AKAP1: variants seen among roughly 807,000 people sequenced by gnomAD.
AKAP1 encodes the protein A-kinase anchor protein 1, mitochondrial.
Under a neutral mutation model 79.8 loss-of-function variants are expected in AKAP1, and 32 were observed. That is an observed-to-expected ratio of 0.40 (90% CI 0.30 to 0.54). The LOEUF is 0.54. AKAP1 is among the 20% of genes least tolerant of loss of function. AKAP1 has a pLI of 0.47. For missense variants in AKAP1, 961 were observed against 1,138.9 expected (o/e 0.84, Z 2.25); for synonymous variants, 416 against 466.7 (o/e 0.89, Z 1.40).
At chr17:57,094,513 C>A (rs1041677535) in intron 1 of AKAP1, 4 of 152,044 alleles carry the variant, frequency 2.6e-5, no homozygotes, top group Admixed American at 6.6e-5. Flanking sequence ...CCAGGCCAGG[C>A]CAGCAGAAGG....
At chr17:57,103,466 G>A (rs981515762) in intron 1 of AKAP1, among the ~76,000 whole-genome samples, 2 of 152,182 alleles carry the variant, frequency 1.3e-5, no homozygotes, top group Admixed American at 6.5e-5. Flanking sequence ...TACATGGATC[G>A]CACTTTCAGA....
chr17:57,116,363 T>G, intron 7 of AKAP1, 102 bp downstream of exon 7: 2 of 1,444,092 alleles, frequency 1.4e-6, no homozygotes, highest in Non-Finnish European at 1.9e-6. Flanking sequence ...TGAGGGTTAC[T>G]TCTTCCCTCC....
At chr17:57,088,060 C>G (rs967475296) in intron 1 of AKAP1, among the ~76,000 whole-genome samples, 2 of 152,246 alleles carry the variant, frequency 1.3e-5, no homozygotes, top group Admixed American at 1.3e-4. Context: ...GGTAGTAGAT[C>G]CTGTGGGCAT....
At chr17:57,119,830 C>CTTTTTGT (rs1915810175) in intron 10 of AKAP1, among the ~76,000 whole-genome samples, 1 of 70,290 alleles carries the variant, frequency 1.4e-5, no homozygotes. Flanking sequence ...CCCTGTTACT[C>CTTTTTGT]TTTTTTTTTT....
rs761651028 is a variant in AKAP1, at chr17:57,106,582, G to A, written c.1118G>A (p.Gly373Asp). 3 of 1,614,206 alleles carry A rather than the reference G, an allele frequency of 1.9e-6. No individual in the cohort carries two copies. The highest frequency in any genetic ancestry group is 2.5e-6 in the Non-Finnish European group (3 of 1,180,038). The change falls in exon 2 of 11, where the codon GGT becomes GAT. Residue 373 changes from glycine to aspartate, a missense_variant. Coordinates refer to ENST00000337714, the MANE Select transcript of AKAP1 (RefSeq NM_003488.4). The stretch of plus-strand genomic sequence containing the variant: ...GCCACCACGGTTGGCAAGGTTGCAG[G>A]TCGTGTGTGTCAGGCCAGTCAGCTC... ...VLATTVGKVA[G>D]RVCQASQLQG... is the part of the protein sequence containing the mutation.
rs1193928423 is a variant in AKAP1, at chr17:57,107,175, G to A, written c.1711G>A (p.Gly571Arg). 1.3e-6 allele frequency: 2 copies of A among 1,596,366 alleles called. No individual in the cohort carries two copies. Among genetic ancestry groups the A allele is most frequent in the Non-Finnish European group, 1.7e-6 (2 of 1,167,754 alleles). ...WTMDAEADHS[G>R]GSDRNSMDSV... Reference sequence around the variant, plus strand: ...CATGGATGCGGAAGCAGATCATTCAGGAGGTAGGAGGGTCTCGGGTTCGTT... The same window carrying A: ...CATGGATGCGGAAGCAGATCATTCAAGAGGTAGGAGGGTCTCGGGTTCGTT... Residue 571 changes from glycine (G) to arginine (R), a missense_variant, in exon 2 of 11, where the codon GGA becomes AGA. Physicochemically the swap from Gly to Arg is moderately radical, Grantham distance 125. Around this residue, in one of 3 missense-constraint regions of AKAP1, gnomAD observed 629 missense variants for 781.1 expected, o/e 0.81. Coordinates refer to ENST00000337714, the MANE Select transcript of AKAP1 (RefSeq NM_003488.4).
At chr17:57,090,621 T>G (rs1034425552) in intron 1 of AKAP1, among the ~76,000 whole-genome samples, 5 of 152,226 alleles carry the variant, frequency 3.3e-5, no homozygotes, top group African/African-American at 1.2e-4. Flanking sequence ...GACTTAAGTG[T>G]GTTCAGCCTC....
At chr17:57,089,919 C>A (rs1913680045) in intron 1 of AKAP1, among the ~76,000 whole-genome samples, 1 of 152,168 alleles carries the variant, frequency 6.6e-6, no homozygotes, top group African/African-American at 2.4e-5. Flanking sequence ...CATAAAGATC[C>A]CTGCTGGTTT....
At chr17:57,089,660 C>T (rs1160949356) in intron 1 of AKAP1, among the ~76,000 whole-genome samples, 1 of 152,134 alleles carries the variant, frequency 6.6e-6, no homozygotes, top group African/African-American at 2.4e-5. Flanking sequence ...TTGTAAATCT[C>T]TAAAGCATAA....
chr17:57,104,034 C>T (rs564258714), intron 1 of AKAP1, among the ~76,000 whole-genome samples: 1 of 152,246 alleles, frequency 6.6e-6, no homozygotes, highest in South Asian at 2.1e-4. Flanking sequence ...TCTCGGCTCA[C>T]TGCAACCTCC....
chr17:57,117,783 C>T (rs1915676206), intron 8 of AKAP1, among the ~76,000 whole-genome samples: 1 of 152,096 alleles, frequency 6.6e-6, no homozygotes, highest in Non-Finnish European at 1.5e-5. Flanking sequence ...TTGGTAAACC[C>T]CTGTCTCTCC....
At chr17:57,091,064 A>G (rs1913755252) in intron 1 of AKAP1, among the ~76,000 whole-genome samples, 1 of 152,194 alleles carries the variant, frequency 6.6e-6, no homozygotes. Context: ...GGTTGGGTCG[A>G]TGACAGATCT....
At chr17:57,107,822 G>A (rs577901720) in intron 2 of AKAP1, 92 of 481,074 alleles carry the variant, frequency 1.9e-4, no homozygotes, top group South Asian at 1.5e-3. Flanking sequence ...TCCTTCTCCA[G>A]AAGCTCTTAC....
chr17:57,118,334 T>G (rs1417677018), intron 8 of AKAP1, 47 bp from the exon 9 acceptor site: 1 of 1,581,720 alleles, frequency 6.3e-7, no homozygotes, highest in East Asian at 2.2e-5. Context: ...CAAGGGTGCC[T>G]TGCCTCAGTG....
chr17:57,096,355 T>G (rs1270874523), intron 1 of AKAP1: 1 of 152,222 alleles, frequency 6.6e-6, no homozygotes, highest in Non-Finnish European at 1.5e-5. Flanking sequence ...CTGGCCTTCC[T>G]TCTGTGAATT....
intron 1 of AKAP1, among the ~76,000 whole-genome samples, chr17:57,087,041 A>T (rs907849748): frequency 1.3e-5 from 2 of 152,204 alleles, no homozygotes; most frequent in Admixed American, 1.3e-4. Context: ...ACTTTTCTTT[A>T]ACCTCTAACT....
Position 57,120,520 on chromosome 17 carries a change from A to G in AKAP1, c.*196A>G, listed in dbSNP as rs1263696493. 7.9e-6 allele frequency: 4 copies of G among 505,898 alleles called. No homozygotes were observed. Among genetic ancestry groups the G allele is most frequent in the Non-Finnish European group, 1.4e-5 (4 of 288,224 alleles). The allele number at this position is 505,898 out of a possible 1,614,324, so 31.3% of individuals were successfully genotyped here. ...AACTATGGGTTCTCTTCGCAAAGCCAAAGGATAGTGTTTAACAAGCCAGCT... is the reference window on the plus strand; with the variant it reads ...AACTATGGGTTCTCTTCGCAAAGCCGAAGGATAGTGTTTAACAAGCCAGCT... On this transcript the variant is annotated 3_prime_UTR_variant, in exon 11 of 11. Transcript: ENST00000337714.
intron 1 of AKAP1, chr17:57,095,778 G>A (rs1460281014): frequency 6.6e-6 from 1 of 152,114 alleles, no homozygotes; most frequent in African/African-American, 2.4e-5. Flanking sequence ...AAGTCAGGTT[G>A]TTGTCAGATT....
chr17:57,108,050 T>A (rs758702415), intron 2 of AKAP1: 86 of 1,207,358 alleles, frequency 7.1e-5, no homozygotes, highest in Non-Finnish European at 9.1e-5. Context: ...AACTTACAGG[T>A]CAGCAGCTCC....
Sources: gnomAD v4.1 joint callset for allele counts (sites outside exome capture counted in the v4.1 genomes callset) on GRCh38, gnomAD v4.1.1 for gene constraint, gnomAD v4.1.1 regional missense constraint, MANE v1.5 for transcripts, NCBI Gene and HGNC (gene_info 2026-07-23, HGNC 2026-07-21) for gene names.